Variants in SH2D4A observed in about 807,000 individuals in gnomAD.
SH2D4A encodes the protein SH2 domain containing 4A, also known as SH2 domain-containing protein 4A.
In SH2D4A, 70 loss-of-function variants were observed where a neutral mutation model predicts 64.7. The ratio of observed to expected loss-of-function variants is 1.08; its 90% CI spans 0.89 to 1.32. The LOEUF is 1.32. Among genes scored for constraint, SH2D4A ranks in the 40% most tolerant of loss-of-function variants. The pLI is 0.00. For synonymous variants in SH2D4A, 268 were observed against 200.7 expected (o/e 1.34, Z -2.83); for missense variants, 706 against 540.1 (o/e 1.31, Z -3.04).
In SH2D4A at chr8:19,378,401, C is replaced by G. The variant is rs141531488; in HGVS notation, c.1048+4741C>G. On this transcript the variant is annotated intron_variant, in intron 8 of 9. Transcript: ENST00000265807. The stretch of plus-strand genomic sequence containing the variant: ...TCTATTTATTATGTAAAAGTATGCA[C>G]TATATACAAATTACCACCTTCACAG... 6.8e-3 allele frequency among the ~76,000 whole-genome samples: 1,038 copies of G among 152,242 alleles called. 6 individuals carry two copies. The highest frequency in any genetic ancestry group is 0.024 in the African/African-American group (987 of 41,560).
At chr8:19,345,365 A>T (rs1585163885) in intron 4 of SH2D4A, among the ~76,000 whole-genome samples, 1 of 152,270 alleles carries the variant, frequency 6.6e-6, no homozygotes, top group Admixed American at 6.5e-5. Context: ...CGATGCCTGT[A>T]CAACAGAAAG....
rs761547024 is a variant in SH2D4A at position 19,394,570 on chromosome 8, G to A, written c.1293G>A (p.Leu431=). The part of the protein sequence containing the change: ...EYHKEEPITS[L]GKELLLYPCG... ...GACAGGAGGAACCCATCACTTCCCT[G>A]GGGAAGGAGCTCCTTCTCTATCCCT... Residue 431 remains leucine, a synonymous_variant, in exon 10 of 10, where the codon CTG becomes CTA. Coordinates refer to ENST00000265807, the MANE Select transcript of SH2D4A (RefSeq NM_022071.4). 6.2e-7 allele frequency: 1 copy of A among 1,607,596 alleles called. No homozygotes were observed. The highest frequency in any genetic ancestry group is 1.3e-5 in the African/African-American group (1 of 74,844).
At chr8:19,322,759 C>T (rs542669719) in intron 2 of SH2D4A, among the ~76,000 whole-genome samples, 5 of 150,570 alleles carry the variant, frequency 3.3e-5, no homozygotes, top group African/African-American at 1.2e-4. Context: ...CAACCTCTGC[C>T]TCCCAGGTTC....
At chr8:19,333,148 G>T in intron 3 of SH2D4A, 34 bp downstream of exon 3, 1 of 1,575,482 alleles carries the variant, frequency 6.3e-7, no homozygotes, top group Non-Finnish European at 8.6e-7. Context: ...GAGACTTAAA[G>T]ACTCTCCAGA....
chr8:19,319,265 C>CTT lies in SH2D4A; in HGVS notation c.-204-70_-204-69dup, dbSNP rs144442740. On this transcript the variant is annotated intron_variant, in intron 1 of 9. Coordinates refer to ENST00000265807, the MANE Select transcript of SH2D4A (RefSeq NM_022071.4). ...AAAGTGATACTGTGTTTCCTCCTAG[C>CTT]TTTTTTTTTTAAACCCGTCCTAGCC... 20 of 957,646 alleles carry CTT rather than the reference C, an allele frequency of 2.1e-5. No individual in the cohort carries two copies. The Admixed American group carries it at 4.2e-4, about 20-fold the overall frequency. The allele number at this position is 957,646 out of a possible 1,614,324, so 59.3% of individuals were successfully genotyped here.
chr8:19,348,667 T>A (rs1276995399), intron 4 of SH2D4A, among the ~76,000 whole-genome samples: 1 of 152,178 alleles, frequency 6.6e-6, no homozygotes, highest in African/African-American at 2.4e-5. Context: ...TATGCTGAAT[T>A]ATTTCTAGGA....
chr8:19,393,380 C>A lies in SH2D4A; in HGVS notation c.1111C>A (p.Leu371Ile), dbSNP rs187247814. 640 of 1,614,206 alleles carry A rather than the reference C, an allele frequency of 4.0e-4. 1 individual carries two copies. The highest frequency in any genetic ancestry group is 4.9e-4 in the Non-Finnish European group (580 of 1,180,016). Residue 371 changes from leucine to isoleucine, a missense_variant, in exon 9 of 10, where the codon CTC (leucine) becomes ATC (isoleucine). Coordinates refer to ENST00000265807, the MANE Select transcript of SH2D4A (RefSeq NM_022071.4). ...GAGCACAGGCATGCCCGGCAGTTTT[C>A]TCATCCGAGTCAGTGAAAGGATCAA... ...LLSTGMPGSF[L>I]IRVSERIKGY...
chr8:19,327,215 C>G (rs566390122), intron 2 of SH2D4A, among the ~76,000 whole-genome samples: 2 of 152,120 alleles, frequency 1.3e-5, no homozygotes, highest in African/African-American at 4.8e-5. Context: ...CCCAAGATAG[C>G]AAACATGAAG....
intron 8 of SH2D4A, among the ~76,000 whole-genome samples, chr8:19,384,047 T>C (rs878913640): frequency 6.6e-6 from 1 of 152,236 alleles, no homozygotes; most frequent in Non-Finnish European, 1.5e-5. Context: ...ATCTCTCCTG[T>C]TCCCCTTTCT....
At chr8:19,314,290 T>C (rs4922016) in intron 1 of SH2D4A, among the ~76,000 whole-genome samples, 34,824 of 151,972 alleles carry the variant, frequency 0.23, 4,000 homozygotes, top group East Asian at 0.31. Context: ...CGTCCTCGAC[T>C]TGCGCATGGA....
chr8:19,366,675 C>T (rs1485951619), intron 7 of SH2D4A, among the ~76,000 whole-genome samples: 2 of 152,124 alleles, frequency 1.3e-5, no homozygotes, highest in Non-Finnish European at 2.9e-5. Context: ...ACCTGTAATT[C>T]CAGCTACACT....
At chr8:19,392,737 T>A (rs989816368) in intron 8 of SH2D4A, among the ~76,000 whole-genome samples, 4 of 152,102 alleles carry the variant, frequency 2.6e-5, no homozygotes, top group African/African-American at 4.8e-5. Context: ...ATATTCCTTT[T>A]TTTTTTGTTT....
In SH2D4A at chr8:19,345,431, G is replaced by A. The variant is rs951728074; in HGVS notation, c.513+10574G>A. Among the ~76,000 whole-genome samples the A allele has an allele frequency of 1.8e-4, 28 of 152,216 alleles. 1 individual carries two copies. The highest frequency in any genetic ancestry group is 1.2e-3 in the Admixed American group (19 of 15,280). ...AGAAGGGTTGCCATACCGTTTCAGC[G>A]AATAAGCCATACCACGAGGTCTAGA... On this transcript the variant is annotated intron_variant, in intron 4 of 9. Coordinates refer to ENST00000265807, the MANE Select transcript of SH2D4A (RefSeq NM_022071.4).
intron 1 of SH2D4A, chr8:19,314,215 G>C (rs2052046307): frequency 1.7e-6 from 1 of 591,004 alleles, no homozygotes. Flanking sequence ...GCTTCCACCC[G>C]CGGGGAGTGC....
intron 4 of SH2D4A, among the ~76,000 whole-genome samples, chr8:19,353,515 C>T (rs2052739913): frequency 6.6e-6 from 1 of 151,562 alleles, no homozygotes; most frequent in African/African-American, 2.4e-5. Flanking sequence ...ACTCCAGGTG[C>T]GCATCATCAC....
intron 5 of SH2D4A, among the ~76,000 whole-genome samples, chr8:19,358,132 G>C (rs1353364932): frequency 6.6e-6 from 1 of 152,168 alleles, no homozygotes; most frequent in Non-Finnish European, 1.5e-5. Flanking sequence ...AGCAATAGGG[G>C]ATCTAAAGGA....
intron 5 of SH2D4A, among the ~76,000 whole-genome samples, chr8:19,358,775 A>G (rs1308613347): frequency 6.6e-6 from 1 of 152,220 alleles, no homozygotes; most frequent in Non-Finnish European, 1.5e-5. Flanking sequence ...GCTTCCATCA[A>G]CAGGCTGGAC....
intron 4 of SH2D4A, among the ~76,000 whole-genome samples, chr8:19,344,423 G>C (rs944655593): frequency 6.6e-6 from 1 of 152,162 alleles, no homozygotes; most frequent in African/African-American, 2.4e-5. Context: ...GGCCCCTCAA[G>C]CAATGGCAGA....
intron 4 of SH2D4A, among the ~76,000 whole-genome samples, chr8:19,344,233 G>A (rs1207241022): frequency 6.6e-6 from 1 of 152,182 alleles, no homozygotes; most frequent in African/African-American, 2.4e-5. Flanking sequence ...TTAAGAGGCT[G>A]AAATCAAGAT....
Sources: gnomAD v4.1 joint callset for allele counts (sites outside exome capture counted in the v4.1 genomes callset) on GRCh38, gnomAD v4.1.1 for gene constraint, MANE v1.5 for transcripts, NCBI Gene and HGNC (gene_info 2026-07-23, HGNC 2026-07-21) for gene names.